Variants in COG3 observed in about 807,000 individuals in gnomAD.
COG3 encodes the protein conserved oligomeric Golgi complex subunit 3.
In COG3, 32 loss-of-function variants were observed where a neutral mutation model predicts 114.1. The observed-to-expected ratio is 0.28, with a 90% CI of 0.21 to 0.38. COG3 has a LOEUF of 0.38. COG3 is among the 10% of genes least tolerant of loss of function. COG3 has a pLI of 1.00. For synonymous variants in COG3, 352 were observed against 365.7 expected (o/e 0.96, Z 0.43); for missense variants, 813 against 973.2 (o/e 0.84, Z 2.19).
At chr13:45,475,053 G>A (rs182283781) in intron 1 of COG3, among the ~76,000 whole-genome samples, 8 of 152,248 alleles carry the variant, frequency 5.3e-5, no homozygotes, top group Admixed American at 1.3e-4. Context: ...TCTGTGGGCC[G>A]CTTCTGAAAC....
Position 45,478,985 on chromosome 13 carries a change from A to C in COG3, c.322-20A>C, listed in dbSNP as rs1378636407. On this transcript the variant is annotated intron_variant, in intron 2 of 22. Coordinates refer to ENST00000349995, the MANE Select transcript of COG3 (RefSeq NM_031431.4). ...TGTCAGTTTTAGTTTTGTTCACAAT[A>C]TAATACTCTGTTTTTCCAGTTTTTC... 2.5e-6 allele frequency: 4 copies of C among 1,591,114 alleles called. No homozygotes were observed. Among genetic ancestry groups the C allele is most frequent in the Non-Finnish European group, 3.4e-6 (4 of 1,162,596 alleles).
Position 45,483,296 on chromosome 13 carries a change from C to A in COG3, c.784C>A (p.Leu262Ile). ...ACAGTGTCTTTCTAAAGCTTTGCAC[C>A]TCATGAAGACATATACTGTGAACAC... ...FKQCLSKALHLMKTYTVNTLQ... is the reference protein window; with the variant it reads ...FKQCLSKALHIMKTYTVNTLQ... The change falls in exon 7 of 23, where the codon CTC (leucine) becomes ATC (isoleucine). Residue 262 changes from leucine to isoleucine, a missense_variant. Leu to Ile is a conservative substitution (Grantham distance 5, BLOSUM62 2). Around this residue, in one of 2 missense-constraint regions of COG3, gnomAD observed 424 missense variants for 430.6 expected, o/e 0.98. Transcript: ENST00000349995. The A allele has an allele frequency of 6.3e-7, 1 of 1,591,324 alleles. No homozygotes were observed. The highest frequency in any genetic ancestry group is 8.6e-7 in the Non-Finnish European group (1 of 1,159,694).
At chr13:45,480,602 G>C (rs1886189914) in intron 4 of COG3, among the ~76,000 whole-genome samples, 1 of 151,512 alleles carries the variant, frequency 6.6e-6, no homozygotes, top group Non-Finnish European at 1.5e-5. Context: ...TTTTTGCTCT[G>C]TTGCCCAGGC....
intron 19 of COG3, among the ~76,000 whole-genome samples, chr13:45,520,535 A>G (rs1308778411): frequency 2.0e-5 from 3 of 152,200 alleles, no homozygotes; most frequent in Non-Finnish European, 2.9e-5. Context: ...GGATCCATCA[A>G]CGCTAATATG....
Position 45,491,479 on chromosome 13 carries a change from A to C in COG3, c.1036A>C (p.Ser346Arg). 18 of 1,613,678 alleles carry C rather than the reference A, an allele frequency of 1.1e-5. No individual in the cohort carries two copies. The highest frequency in any genetic ancestry group is 1.5e-5 in the Non-Finnish European group (18 of 1,179,684). ...TCAGCGGGAGCTCCTTTTGGGCCCTAGTATTGCTTGCACTGTTGCAGAGTT... is the reference window on the plus strand; with the variant it reads ...TCAGCGGGAGCTCCTTTTGGGCCCTCGTATTGCTTGCACTGTTGCAGAGTT... ...LDQRELLLGP[S>R]IACTVAELTS... Residue 346 changes from serine to arginine, a missense_variant, in exon 10 of 23, where the codon AGT becomes CGT. By Grantham distance (110) the Ser-to-Arg change is moderately radical. Around this residue, in one of 2 missense-constraint regions of COG3, gnomAD observed 424 missense variants for 430.6 expected, o/e 0.98. Transcript: ENST00000349995.
chr13:45,497,694 G>A (rs574760105), intron 13 of COG3, among the ~76,000 whole-genome samples: 53 of 152,092 alleles, frequency 3.5e-4, no homozygotes, highest in Middle Eastern at 6.8e-3. Flanking sequence ...GTTGAGATGG[G>A]AAGATTACTT....
At chr13:45,529,212 TACTCTCCTTTTCTATGTA>T (rs1167272587) in intron 20 of COG3, among the ~76,000 whole-genome samples, 1 of 152,240 alleles carries the variant, frequency 6.6e-6, no homozygotes, top group Non-Finnish European at 1.5e-5. Flanking sequence ...TACAGATTAC[TACTCTCCTTTTCTATGTA>T]ACTCCTTCAG....
intron 1 of COG3, among the ~76,000 whole-genome samples, chr13:45,473,908 T>G (rs1398226302): frequency 6.6e-6 from 1 of 152,226 alleles, no homozygotes; most frequent in East Asian, 1.9e-4. Context: ...TTTGAGAAAC[T>G]TAATTCTTGC....
intron 1 of COG3, among the ~76,000 whole-genome samples, chr13:45,466,248 A>C (rs1885131979): frequency 6.6e-6 from 1 of 152,140 alleles, no homozygotes; most frequent in Admixed American, 6.5e-5. Flanking sequence ...CCTGTTGTCC[A>C]GGCTGTTCTC....
chr13:45,506,635 C>T (rs370918382), intron 14 of COG3, among the ~76,000 whole-genome samples: 3 of 152,084 alleles, frequency 2.0e-5, no homozygotes, highest in Admixed American at 6.5e-5. Context: ...ATGAACAGCT[C>T]GTCATCTGTG....
At chr13:45,533,390 C>T (rs1247506407) in intron 22 of COG3, among the ~76,000 whole-genome samples, 2 of 152,000 alleles carry the variant, frequency 1.3e-5, no homozygotes, top group East Asian at 3.9e-4. Context: ...ATATCCTTTA[C>T]CCCATTTTCA....
chr13:45,505,855 A>G (rs1167137540), intron 14 of COG3, among the ~76,000 whole-genome samples: 1 of 152,088 alleles, frequency 6.6e-6, no homozygotes, highest in Non-Finnish European at 1.5e-5. Flanking sequence ...TTGGCCTCCC[A>G]AAGTGCTAGA....
intron 16 of COG3, among the ~76,000 whole-genome samples, chr13:45,513,421 TTATATATATAATA>T (rs2137889738): frequency 1.6e-4 from 12 of 76,812 alleles, no homozygotes; most frequent in African/African-American, 8.2e-4. Flanking sequence ...TACATATAAA[TTATATATATAATA>T]TATACATATA....
intron 17 of COG3, among the ~76,000 whole-genome samples, chr13:45,518,217 G>A (rs1327837671): frequency 6.6e-6 from 1 of 152,090 alleles, no homozygotes; most frequent in Admixed American, 6.6e-5. Flanking sequence ...TTACTTTTAC[G>A]CCTCTAACCT....
intron 14 of COG3, among the ~76,000 whole-genome samples, chr13:45,503,614 G>A (rs12431107): frequency 4.3e-4 from 65 of 152,236 alleles, no homozygotes; most frequent in Middle Eastern, 3.4e-3. Flanking sequence ...GGCTCAGTGT[G>A]GGGTGTGGTG....
chr13:45,502,166 G>A (rs1454690751), intron 13 of COG3, among the ~76,000 whole-genome samples: 1 of 152,142 alleles, frequency 6.6e-6, no homozygotes, highest in East Asian at 1.9e-4. Context: ...AAGCAGGTAT[G>A]ATGAAGACTA....
intron 17 of COG3, 132 bp downstream of exon 17, chr13:45,516,395 C>T (rs1871545976): frequency 4.2e-6 from 3 of 709,206 alleles, no homozygotes; most frequent in Non-Finnish European, 6.2e-6. Flanking sequence ...GTTATTTGTT[C>T]GTACTAAGCT....
At position 45,490,670 on chromosome 13, in the gene COG3, C is replaced by T. The variant is rs181735487; in HGVS notation, c.925-245C>T. Among the ~76,000 whole-genome samples the T allele has an allele frequency of 1.3e-3, 192 of 151,238 alleles. 1 individual carries two copies. The Middle Eastern group carries it at 0.024, about 19-fold the overall frequency. ...AATTTTTAAAAAACAGATTATAAAG[C>T]AGAATATGTAGTATAATTACAGTTT... On this transcript the variant is annotated intron_variant, in intron 8 of 22. Coordinates refer to ENST00000349995, the MANE Select transcript of COG3 (RefSeq NM_031431.4).
chr13:45,472,503 T>A (rs1182584657), intron 1 of COG3, among the ~76,000 whole-genome samples: 1 of 152,194 alleles, frequency 6.6e-6, no homozygotes, highest in Non-Finnish European at 1.5e-5. Context: ...ATCACACAAT[T>A]CTTGGATGCT....
Sources: gnomAD v4.1 joint callset for allele counts (sites outside exome capture counted in the v4.1 genomes callset) on GRCh38, gnomAD v4.1.1 for gene constraint, gnomAD v4.1.1 regional missense constraint, MANE v1.5 for transcripts, NCBI Gene and HGNC (gene_info 2026-07-23, HGNC 2026-07-21) for gene names.